The following ASIC2 variants were observed in gnomAD, a reference collection of about 807,000 sequenced individuals.
ASIC2 encodes the protein acid-sensing ion channel 2.
A neutral mutation model predicts 57.3 loss-of-function variants in ASIC2; 25 were observed. That is an observed-to-expected ratio of 0.44 (90% confidence interval 0.32 to 0.61). ASIC2 has a LOEUF of 0.61. Ranked by LOEUF, ASIC2 falls within the 20% of genes least tolerant of loss-of-function variation. The pLI, the probability that ASIC2 is intolerant of heterozygous loss-of-function variation, is 0.06. For synonymous variants in ASIC2, 319 were observed against 307.5 expected (o/e 1.04, Z -0.39); for missense variants, 641 against 738.1 (o/e 0.87, Z 1.52).
chr17:33,073,346 T>C (rs1009397762), intron 3 of ASIC2, among the ~76,000 whole-genome samples: 1 of 152,022 alleles, frequency 6.6e-6, no homozygotes, highest in Non-Finnish European at 1.5e-5. Flanking sequence ...CCACATGGAG[T>C]GGTCAGAAGG....
chr17:33,827,374 A>G (rs8071630), intron 1 of ASIC2, among the ~76,000 whole-genome samples: 107,257 of 133,844 alleles, frequency 0.8, 43,432 homozygotes, highest in African/African-American at 0.84. Flanking sequence ...CTCTGTCACC[A>G]AGGCTGGAGT....
chr17:34,072,010 G>A (rs1465029137), intron 1 of ASIC2: 2 of 152,396 alleles, frequency 1.3e-5, no homozygotes, highest in Non-Finnish European at 2.9e-5. Flanking sequence ...GGGAAGTGCA[G>A]AAGGGCAGGC....
At chr17:33,826,440 A>G (rs1228659924) in intron 1 of ASIC2, among the ~76,000 whole-genome samples, 1 of 152,212 alleles carries the variant, frequency 6.6e-6, no homozygotes, top group African/African-American at 2.4e-5. Context: ...CACCAACCAT[A>G]TGCGAGGTCC....
At chr17:33,277,654 G>A (rs1904758477) in intron 1 of ASIC2, among the ~76,000 whole-genome samples, 1 of 152,154 alleles carries the variant, frequency 6.6e-6, no homozygotes. Flanking sequence ...AATCAGCAGA[G>A]GAATGTGGTG....
intron 1 of ASIC2, among the ~76,000 whole-genome samples, chr17:33,963,113 C>A (rs893049312): frequency 6.6e-6 from 1 of 152,188 alleles, no homozygotes; most frequent in African/African-American, 2.4e-5. Flanking sequence ...GTGTACAGCA[C>A]CCACTTGCCC....
At chr17:33,948,541 C>T (rs1052398898) in intron 1 of ASIC2, among the ~76,000 whole-genome samples, 1 of 152,242 alleles carries the variant, frequency 6.6e-6, no homozygotes, top group African/African-American at 2.4e-5. Context: ...ACCTCAAACG[C>T]CACCTGGCCT....
At position 33,134,691 on chromosome 17, in the gene ASIC2, A is replaced by G. The variant is rs891926043; in HGVS notation, c.709-22624T>C. Among the ~76,000 whole-genome samples the G allele has an allele frequency of 4.6e-5, 7 of 152,342 alleles. No individual in the cohort carries two copies. In the East Asian group the frequency reaches 9.6e-4, roughly 21 times the overall value. On this transcript the variant is annotated intron_variant, in intron 1 of 9. Transcript: ENST00000225823. ...GCAGCACTGGTTGTCCTGCCTGAGTAGAGAGCCCTCAACCTGGGTTGTCCC... is the reference window on the plus strand; with the variant it reads ...GCAGCACTGGTTGTCCTGCCTGAGTGGAGAGCCCTCAACCTGGGTTGTCCC...
At chr17:33,874,111 A>T (rs1294900451) in intron 1 of ASIC2, among the ~76,000 whole-genome samples, 1 of 151,982 alleles carries the variant, frequency 6.6e-6, no homozygotes, top group Non-Finnish European at 1.5e-5. Flanking sequence ...ACTCAACTTC[A>T]CCCTTTCTCC....
intron 1 of ASIC2, among the ~76,000 whole-genome samples, chr17:33,253,498 T>A (rs921421147): frequency 6.6e-6 from 1 of 152,196 alleles, no homozygotes; most frequent in Non-Finnish European, 1.5e-5. Context: ...TTCCAAACAA[T>A]TAGGTAGACA....
intron 1 of ASIC2, among the ~76,000 whole-genome samples, chr17:33,960,437 GA>G (rs1179102407): frequency 1.2e-4 from 19 of 152,200 alleles, no homozygotes; most frequent in African/African-American, 4.3e-4. Context: ...AGAGGTGAAT[GA>G]GTTCCATGCC....
Position 33,069,415 on chromosome 17 carries a change from A to G in ASIC2, c.987+19448T>C, listed in dbSNP as rs527531461. 2.0e-5 allele frequency among the ~76,000 whole-genome samples: 3 copies of G among 152,124 alleles called. No individual in the cohort carries two copies. In the South Asian group the frequency reaches 6.2e-4, roughly 32 times the overall value. ...TGGTTTTCTGTCTACTTGTCCTATC[A>G]ATTATTGAGAGAGGGGTTTTGAAGT... On this transcript the variant is annotated intron_variant, in intron 3 of 9. Coordinates refer to ENST00000225823, the MANE Select transcript of ASIC2 (RefSeq NM_183377.2).
chr17:33,764,493 G>A (rs1910876913), intron 1 of ASIC2, among the ~76,000 whole-genome samples: 1 of 152,160 alleles, frequency 6.6e-6, no homozygotes, highest in African/African-American at 2.4e-5. Flanking sequence ...TGGAGGCTGG[G>A]AGGTTTAAGG....
At chr17:33,126,588 C>G (rs2092323886) in intron 1 of ASIC2, among the ~76,000 whole-genome samples, 1 of 152,082 alleles carries the variant, frequency 6.6e-6, no homozygotes, top group African/African-American at 2.4e-5. Context: ...AGTTCAAGAC[C>G]AGCCTGGACA....
intron 1 of ASIC2, among the ~76,000 whole-genome samples, chr17:34,064,180 C>T (rs1485003037): frequency 6.6e-6 from 1 of 152,118 alleles, no homozygotes; most frequent in East Asian, 1.9e-4. Context: ...AAAATAGGCA[C>T]ATAGACCAAT....
chr17:33,618,927 T>C lies in ASIC2; in HGVS notation c.556-506860A>G, dbSNP rs1050586717. 3.9e-5 allele frequency among the ~76,000 whole-genome samples: 6 copies of C among 152,320 alleles called. 1 individual carries two copies. In the East Asian group the frequency reaches 1.2e-3, roughly 29 times the overall value. On this transcript the variant is annotated intron_variant, in intron 1 of 9. Coordinates refer to the ASIC2 transcript ENST00000359872. Reference sequence around the variant, plus strand: ...AATATTCTCCTTTTATTTTCTGTTTTGGAAATCCCTAATCATTCTTCAAAT... The same window carrying C: ...AATATTCTCCTTTTATTTTCTGTTTCGGAAATCCCTAATCATTCTTCAAAT...
intron 1 of ASIC2, among the ~76,000 whole-genome samples, chr17:33,500,700 C>T (rs550295471): frequency 1.3e-5 from 2 of 152,344 alleles, no homozygotes; most frequent in South Asian, 4.1e-4. Context: ...CGTTCTGAAA[C>T]TTATCCGATG....
intron 1 of ASIC2, among the ~76,000 whole-genome samples, chr17:33,157,842 A>C (rs538883445): frequency 1.3e-5 from 2 of 152,308 alleles, no homozygotes; most frequent in East Asian, 3.9e-4. Context: ...TCAAAGCCAC[A>C]TCCTCACCAT....
chr17:33,431,862 CA>C (rs1482891346), intron 1 of ASIC2, among the ~76,000 whole-genome samples: 1 of 152,056 alleles, frequency 6.6e-6, no homozygotes, highest in Non-Finnish European at 1.5e-5. Flanking sequence ...GAAAGTATAC[CA>C]GTAAGATATG....
At chr17:33,426,773 C>T (rs9915725) in intron 1 of ASIC2, among the ~76,000 whole-genome samples, 28,980 of 152,182 alleles carry the variant, frequency 0.19, 3,050 homozygotes, top group Middle Eastern at 0.25. Flanking sequence ...TCTCTGTCCT[C>T]ATGGAGCTTC....
Sources: gnomAD v4.1 joint callset for allele counts (sites outside exome capture counted in the v4.1 genomes callset) on GRCh38, gnomAD v4.1.1 for gene constraint, MANE v1.5 for transcripts, NCBI Gene and HGNC (gene_info 2026-07-23, HGNC 2026-07-21) for gene names.